Variants in CADM2 observed in about 807,000 individuals in gnomAD.
CADM2 encodes the protein cell adhesion molecule 2, also known as immunoglobulin superfamily member 4D.
Under a neutral mutation model 49.8 loss-of-function variants are expected in CADM2, and 12 were observed. The ratio of observed to expected loss-of-function variants is 0.24; its 90% CI spans 0.15 to 0.39. CADM2 has a LOEUF of 0.39. Ranked by LOEUF, CADM2 falls within the 10% of genes least tolerant of loss-of-function variation. The pLI, the probability that CADM2 is intolerant of heterozygous loss-of-function variation, is 1.00. For synonymous variants in CADM2, 214 were observed against 175.4 expected (o/e 1.22, Z -1.74); for missense variants, 378 against 492.3 (o/e 0.77, Z 2.20).
intron 1 of CADM2, among the ~76,000 whole-genome samples, chr3:85,531,920 G>C (rs901128966): frequency 7.2e-5 from 11 of 152,180 alleles, no homozygotes; most frequent in African/African-American, 2.7e-4. Context: ...GCTCACGCCT[G>C]TAATCCCAGC....
At chr3:85,730,234 G>T (rs2067870439) in intron 2 of CADM2, among the ~76,000 whole-genome samples, 1 of 152,022 alleles carries the variant, frequency 6.6e-6, no homozygotes. Context: ...TTGAGGTCAG[G>T]AATTTGAGAT....
At chr3:85,066,352 A>G (rs575063419) in intron 1 of CADM2, among the ~76,000 whole-genome samples, 2 of 150,792 alleles carry the variant, frequency 1.3e-5, no homozygotes, top group Non-Finnish European at 2.9e-5. Context: ...TGATTCCCCA[A>G]CTAGGGGTAA....
intron 1 of CADM2, among the ~76,000 whole-genome samples, chr3:85,200,938 CTCTT>C (rs1020914251): frequency 6.6e-6 from 1 of 152,064 alleles, no homozygotes; most frequent in Non-Finnish European, 1.5e-5. Flanking sequence ...CATTTTCACT[CTCTT>C]AATACAAATG....
intron 1 of CADM2, among the ~76,000 whole-genome samples, chr3:85,379,131 G>T (rs1208926773): frequency 6.6e-6 from 1 of 151,754 alleles, no homozygotes; most frequent in African/African-American, 2.4e-5. Context: ...AATATGAGGT[G>T]GATTGAATAT....
intron 1 of CADM2, among the ~76,000 whole-genome samples, chr3:85,279,982 TGGCC>T (rs1349780124): frequency 6.6e-6 from 1 of 151,712 alleles, no homozygotes; most frequent in African/African-American, 2.4e-5. Context: ...ATTCTGTAGG[TGGCC>T]TTTACTCATT....
intron 8 of CADM2, among the ~76,000 whole-genome samples, chr3:86,003,512 T>A (rs1247515187): frequency 6.6e-6 from 1 of 152,214 alleles, no homozygotes; most frequent in Non-Finnish European, 1.5e-5. Context: ...ATAGAATTGC[T>A]GTGACTACAA....
chr3:85,085,528 C>T (rs2037334602), intron 1 of CADM2, among the ~76,000 whole-genome samples: 1 of 151,976 alleles, frequency 6.6e-6, no homozygotes, highest in African/African-American at 2.4e-5. Context: ...TTCAGTCGAT[C>T]CCTGTTAGTT....
intron 1 of CADM2, among the ~76,000 whole-genome samples, chr3:84,973,193 A>G (rs572920248): frequency 9.9e-5 from 15 of 152,274 alleles, no homozygotes; most frequent in African/African-American, 3.1e-4. Context: ...GATTACAGGC[A>G]TGAGCCACTG....
At chr3:85,288,002 G>C (rs1901546) in intron 1 of CADM2, among the ~76,000 whole-genome samples, 100,555 of 149,062 alleles carry the variant, frequency 0.67, 34,789 homozygotes, top group African/African-American at 0.82. Context: ...ATGTAAATGA[G>C]AAGTTAATGG....
chr3:85,448,787 A>G (rs1656121255), intron 1 of CADM2, among the ~76,000 whole-genome samples: 2 of 151,994 alleles, frequency 1.3e-5, no homozygotes, highest in African/African-American at 4.8e-5. Flanking sequence ...GTGGTGGCTC[A>G]CACCTGTAAT....
intron 1 of CADM2, among the ~76,000 whole-genome samples, chr3:85,283,952 C>T (rs993446003): frequency 6.6e-6 from 1 of 152,060 alleles, no homozygotes; most frequent in African/African-American, 2.4e-5. Flanking sequence ...ACTTTTGAAG[C>T]AGGGACAATA....
chr3:85,851,154 TAAAC>T (rs2075093242), intron 3 of CADM2, among the ~76,000 whole-genome samples: 1 of 152,180 alleles, frequency 6.6e-6, no homozygotes, highest in Admixed American at 6.5e-5. Context: ...TAGTTTAAAA[TAAAC>T]ATATGCTTTT....
chr3:85,853,656 C>A (rs2075193702), intron 3 of CADM2, among the ~76,000 whole-genome samples: 1 of 148,204 alleles, frequency 6.7e-6, no homozygotes. Flanking sequence ...AAAACCAAAA[C>A]TAGAAACTTC....
At chr3:84,992,149 C>T (rs2032926869) in intron 1 of CADM2, among the ~76,000 whole-genome samples, 1 of 152,002 alleles carries the variant, frequency 6.6e-6, no homozygotes, top group Admixed American at 6.5e-5. Flanking sequence ...ACTATGGACT[C>T]TGGTGGAGGA....
At chr3:85,643,991 G>GTTCA (rs1458685630) in intron 1 of CADM2, among the ~76,000 whole-genome samples, 1 of 152,022 alleles carries the variant, frequency 6.6e-6, no homozygotes, top group Non-Finnish European at 1.5e-5. Context: ...AGGTATGCTA[G>GTTCA]TTCATGCATT....
chr3:85,543,261 T>A (rs565691688), intron 1 of CADM2, among the ~76,000 whole-genome samples: 625 of 43,342 alleles, frequency 0.014, 11 homozygotes, highest in African/African-American at 0.022. Context: ...TTTTTTATTT[T>A]TATTTTTTTT....
chr3:85,102,118 G>C (rs1021786217), intron 1 of CADM2, among the ~76,000 whole-genome samples: 14 of 152,132 alleles, frequency 9.2e-5, no homozygotes, highest in Admixed American at 5.2e-4. Flanking sequence ...CTGCTTCCTT[G>C]TGATATAAAG....
At chr3:85,814,623 C>G (rs189899870) in intron 3 of CADM2, among the ~76,000 whole-genome samples, 1 of 151,650 alleles carries the variant, frequency 6.6e-6, no homozygotes, top group African/African-American at 2.4e-5. Context: ...AGACTGCTAG[C>G]CAGACTAATA....
intron 1 of CADM2, among the ~76,000 whole-genome samples, chr3:85,318,698 A>C (rs1350501242): frequency 6.6e-6 from 1 of 152,190 alleles, no homozygotes; most frequent in Non-Finnish European, 1.5e-5. Context: ...CACTTGCTTT[A>C]TTAGAATTTT....
Sources: allele counts gnomAD v4.1 joint callset (sites outside exome capture counted in the v4.1 genomes callset), GRCh38; gene constraint gnomAD v4.1.1; transcripts MANE v1.5; gene names NCBI Gene and HGNC (gene_info 2026-07-23, HGNC 2026-07-21).